FOLH1: variants seen among roughly 807,000 people sequenced by gnomAD.
The protein encoded by FOLH1 is folate hydrolase 1.
In FOLH1, 54 loss-of-function variants were observed where a neutral mutation model predicts 93.9. The ratio of observed to expected loss-of-function variants is 0.57; its 90% CI spans 0.46 to 0.72. The LOEUF (loss-of-function observed/expected upper bound fraction) is 0.72, where lower values mean the gene tolerates loss of function less well. Among genes scored for constraint, FOLH1 ranks in the 30% least tolerant of loss-of-function variants. FOLH1 has a pLI of 0.00. For missense variants in FOLH1, 571 were observed against 892.5 expected (o/e 0.64, Z 4.59); for synonymous variants, 249 against 303.6 (o/e 0.82, Z 1.87).
intron 15 of FOLH1, among the ~76,000 whole-genome samples, chr11:49,155,965 G>T (rs1412504791): frequency 1.3e-5 from 2 of 151,434 alleles, no homozygotes; most frequent in Admixed American, 6.6e-5. Context: ...TCATGGGAGA[G>T]ACTTTATGGG....
At chr11:49,168,650 T>C (rs1858770605) in intron 12 of FOLH1, among the ~76,000 whole-genome samples, 1 of 152,182 alleles carries the variant, frequency 6.6e-6, no homozygotes. Flanking sequence ...TTTGCATTTG[T>C]AATAGCTATG....
chr11:49,156,146 T>C (rs865835549), intron 15 of FOLH1, among the ~76,000 whole-genome samples: 1 of 152,008 alleles, frequency 6.6e-6, no homozygotes, highest in Admixed American at 6.6e-5. Flanking sequence ...ATGATTGTGA[T>C]GCCTCCCCAG....
rs146472302 is a variant in FOLH1 at position 49,175,940 on chromosome 11, G to A, written c.938C>T (p.Ala313Val). The A allele has an allele frequency of 8.1e-6, 13 of 1,613,148 alleles. No individual in the cohort carries two copies. The African/African-American group carries it at 1.7e-4, about 22-fold the overall frequency. ...QKLLEKMGGS[A>V]PPDSSWRGSL... Reference sequence around the variant, plus strand: ...TCCTCTCCAGCTGCTATCTGGTGGTGCTGAGCCACCCATTTTTCTATTGGA... The same window carrying A: ...TCCTCTCCAGCTGCTATCTGGTGGTACTGAGCCACCCATTTTTCTATTGGA... The change falls in exon 8 of 19, where the codon GCA becomes GTA. Residue 313 changes from alanine (A) to valine (V), a missense_variant. This residue lies in a region of FOLH1 where 500 missense variants were observed against 822.9 expected (regional missense o/e 0.61). Transcript: ENST00000256999.
At chr11:49,208,104 A>C in intron 1 of FOLH1, 188 bp downstream of exon 1, 1 of 615,130 alleles carries the variant, frequency 1.6e-6, no homozygotes, top group East Asian at 2.8e-5. Flanking sequence ...TCGAGAACTC[A>C]GCCCTGCACC....
chr11:49,206,894 A>T (rs1308413493), intron 1 of FOLH1: 2 of 989,670 alleles, frequency 2.0e-6, no homozygotes, highest in Non-Finnish European at 3.1e-6. Context: ...ATAAGGCAAG[A>T]TTCCAGGGTT....
chr11:49,176,020 T>C (rs976052045), intron 7 of FOLH1, 63 bp from the exon 8 acceptor site: 1 of 1,431,374 alleles, frequency 7.0e-7, no homozygotes, highest in African/African-American at 1.4e-5. Context: ...ATTAAAATGT[T>C]AATGGATTCA....
chr11:49,154,490 T>C lies in FOLH1; in HGVS notation c.1626A>G (p.Glu542=). The C allele has an allele frequency of 1.3e-6, 2 of 1,561,800 alleles. No individual in the cohort carries two copies. The highest frequency in any genetic ancestry group is 1.7e-6 in the Non-Finnish European group (2 of 1,152,796). The stretch of plus-strand genomic sequence containing the variant: ...GTGGATAGCCGCTGAATTTGTTTGT[T>C]TCCTACAGAAAAAACAACAAAACAT... ...SGRARYTKNW[E]TNKFSGYPLY... Residue 542 remains glutamate (E), a splice_region_variant and synonymous_variant, in exon 16 of 19, where the codon GAA becomes GAG. Transcript: ENST00000256999.
At chr11:49,190,298 A>G (rs1259819351) in intron 4 of FOLH1, among the ~76,000 whole-genome samples, 2 of 152,230 alleles carry the variant, frequency 1.3e-5, no homozygotes, top group Admixed American at 6.5e-5. Flanking sequence ...AACTTTGAAA[A>G]TGAAAACAAG....
chr11:49,171,738 G>GGGCTC (rs1859329699), intron 10 of FOLH1, among the ~76,000 whole-genome samples: 1 of 151,850 alleles, frequency 6.6e-6, no homozygotes, highest in African/African-American at 2.4e-5. Flanking sequence ...TTCTCTGCCA[G>GGGCTC]AATTAATCAA....
At position 49,208,288 on chromosome 11, in the gene FOLH1, C is replaced by T; in HGVS notation, c.118+4G>A. On this transcript the variant is annotated splice_donor_region_variant and intron_variant, in intron 1 of 18. Coordinates refer to ENST00000256999, the MANE Select transcript of FOLH1 (RefSeq NM_004476.3). ...GAGGTTTGCTCCGCGAGGCGCCCCC[C>T]TACCGAAGAGGAAGCCGAGGAGAAA... is the stretch of plus-strand genomic sequence containing the variant. The T allele has an allele frequency of 6.5e-7, 1 of 1,548,898 alleles. No homozygotes were observed. The highest frequency in any genetic ancestry group is 8.8e-7 in the Non-Finnish European group (1 of 1,142,822).
chr11:49,183,287 T>C lies in FOLH1; in HGVS notation c.827-45A>G, dbSNP rs754834316. 3.5e-6 allele frequency: 5 copies of C among 1,421,968 alleles called. No individual in the cohort carries two copies. In the Admixed American group the frequency reaches 5.4e-5, roughly 15 times the overall value. The allele number at this position is 1,421,968 out of a possible 1,614,324, so 88.1% of individuals were successfully genotyped here. ...TATTTCCAGTAAAAACTCAGTTTCA[T>C]TCAAACGGTTCTCTATAAATCACAT... On this transcript the variant is annotated intron_variant, in intron 6 of 18. Coordinates refer to ENST00000256999, the MANE Select transcript of FOLH1 (RefSeq NM_004476.3).
At chr11:49,152,380 G>A (rs1856590357) in intron 17 of FOLH1, among the ~76,000 whole-genome samples, 1 of 152,084 alleles carries the variant, frequency 6.6e-6, no homozygotes, top group South Asian at 2.1e-4. Flanking sequence ...TTTCAAAAAG[G>A]CTAAAATAAT....
chr11:49,164,922 A>C, intron 12 of FOLH1, 150 bp from the exon 13 acceptor site: 1 of 674,526 alleles, frequency 1.5e-6, no homozygotes, highest in Non-Finnish European at 2.6e-6. Context: ...TAACTCTGTA[A>C]AGTCCATCAT....
intron 18 of FOLH1, among the ~76,000 whole-genome samples, chr11:49,148,112 A>C (rs1855993561): frequency 6.6e-6 from 1 of 152,060 alleles, no homozygotes; most frequent in Non-Finnish European, 1.5e-5. Flanking sequence ...TAGAAGATCA[A>C]CCTGGGGACA....
rs761397113 is a variant in FOLH1, at chr11:49,183,151, T to C, written c.918A>G (p.Leu306=). Reference sequence around the variant, plus strand: ...TCCATGGTTTCTTACAAACTTACTCTAGGAGCTTCTGTGCATCATAGTATC... The same window carrying C: ...TCCATGGTTTCTTACAAACTTACTCCAGGAGCTTCTGTGCATCATAGTATC... The part of the protein sequence containing the change: ...PIGYYDAQKL[L]EKMGGSAPPD... Residue 306 remains leucine (L), a splice_region_variant and synonymous_variant, in exon 7 of 19, where the codon CTA becomes CTG. Coordinates refer to ENST00000256999, the MANE Select transcript of FOLH1 (RefSeq NM_004476.3). 6 of 1,601,576 alleles carry C rather than the reference T, an allele frequency of 3.7e-6. No individual in the cohort carries two copies. The Admixed American group carries it at 6.9e-5, about 18-fold the overall frequency.
At chr11:49,205,619 A>G (rs1395910108) in intron 2 of FOLH1, among the ~76,000 whole-genome samples, 5 of 152,248 alleles carry the variant, frequency 3.3e-5, no homozygotes, top group Admixed American at 6.5e-5. Context: ...CCAAATCTGG[A>G]CCACTAACTG....
At chr11:49,180,935 TTTG>T (rs984004921) in intron 7 of FOLH1, among the ~76,000 whole-genome samples, 1 of 152,062 alleles carries the variant, frequency 6.6e-6, no homozygotes. Flanking sequence ...ATGAATTGTG[TTTG>T]TTATTTTTCA....
At chr11:49,182,635 G>A (rs1590607129) in intron 7 of FOLH1, among the ~76,000 whole-genome samples, 1 of 152,326 alleles carries the variant, frequency 6.6e-6, no homozygotes, top group East Asian at 1.9e-4. Flanking sequence ...CCCTGAGAAA[G>A]TCCTTAGACT....
intron 15 of FOLH1, among the ~76,000 whole-genome samples, chr11:49,155,795 C>CATATATATATATAT (rs10526900): frequency 3.6e-4 from 19 of 52,104 alleles, no homozygotes; most frequent in South Asian, 1.1e-3. Context: ...AAATGAAAAC[C>CATATATATATATAT]ATATATATAT....
Sources: allele counts gnomAD v4.1 joint callset (sites outside exome capture counted in the v4.1 genomes callset), GRCh38; gene constraint gnomAD v4.1.1; regional missense constraint gnomAD v4.1.1; transcripts MANE v1.5; gene names NCBI Gene and HGNC (gene_info 2026-07-23, HGNC 2026-07-21).